KCNAB1: variants seen among roughly 807,000 people sequenced by gnomAD.
The protein encoded by KCNAB1 is voltage-gated potassium channel subunit beta-1.
A neutral mutation model predicts 64.6 loss-of-function variants in KCNAB1; 35 were observed. That is an observed-to-expected ratio of 0.54 (90% CI 0.41 to 0.72). The LOEUF (loss-of-function observed/expected upper bound fraction) is 0.72, where lower values mean the gene tolerates loss of function less well. KCNAB1 is among the 30% of genes least tolerant of loss of function. KCNAB1 has a pLI of 0.00. For synonymous variants in KCNAB1, 177 were observed against 183.8 expected, an observed-to-expected ratio of 0.96 and a Z score of 0.30; for missense variants, 401 against 512.9, an observed-to-expected ratio of 0.78 and a Z score of 2.11.
At chr3:156,225,611 G>T (rs1047610432) in intron 1 of KCNAB1, among the ~76,000 whole-genome samples, 3 of 152,110 alleles carry the variant, frequency 2.0e-5, no homozygotes, top group African/African-American at 7.2e-5. Flanking sequence ...CATCCAAATT[G>T]GTAAAGAGGA....
chr3:156,299,501 T>C (rs1351051638), intron 1 of KCNAB1, among the ~76,000 whole-genome samples: 1 of 149,732 alleles, frequency 6.7e-6, no homozygotes, highest in African/African-American at 2.5e-5. Flanking sequence ...TACAAAACCA[T>C]AGGCATATAT....
chr3:156,470,544 A>G (rs1324175553), intron 7 of KCNAB1, among the ~76,000 whole-genome samples: 1 of 152,208 alleles, frequency 6.6e-6, no homozygotes, highest in East Asian at 1.9e-4. Context: ...TTTAGTGCCT[A>G]ATGTGAAGGA....
chr3:156,473,668 G>A (rs1295146454), intron 7 of KCNAB1, among the ~76,000 whole-genome samples: 1 of 152,114 alleles, frequency 6.6e-6, no homozygotes, highest in Non-Finnish European at 1.5e-5. Context: ...CCATTTTCCT[G>A]TCAGAAAAGT....
intron 1 of KCNAB1, among the ~76,000 whole-genome samples, chr3:156,310,417 G>A (rs778684666): frequency 6.6e-6 from 1 of 152,100 alleles, no homozygotes; most frequent in South Asian, 2.1e-4. Context: ...GGTCCTGCAG[G>A]CCCTGAACAC....
chr3:156,168,202 C>T (rs1027978447), intron 1 of KCNAB1, among the ~76,000 whole-genome samples: 1 of 151,956 alleles, frequency 6.6e-6, no homozygotes, highest in Non-Finnish European at 1.5e-5. Context: ...GATTCTGTCC[C>T]ACCCCCAACC....
chr3:156,510,574 A>T (rs1717139960), intron 8 of KCNAB1, among the ~76,000 whole-genome samples: 1 of 152,014 alleles, frequency 6.6e-6, no homozygotes, highest in South Asian at 2.1e-4. Flanking sequence ...TTCTCTTCCA[A>T]ACTTATTGAA....
Position 156,537,389 on chromosome 3 carries a change from G to C in KCNAB1, c.*642G>C, listed in dbSNP as rs2108436763. On this transcript the variant is annotated 3_prime_UTR_variant, in exon 14 of 14. Coordinates refer to ENST00000490337, the MANE Select transcript of KCNAB1 (RefSeq NM_172160.3). ...ATAAAACAAAAATTTCTAGGTATTT[G>C]CTTTATTACCTTTCAAATATTTACT... The C allele has an allele frequency of 4.7e-6, 1 of 213,196 alleles. No homozygotes were observed. Among genetic ancestry groups the C allele is most frequent in the East Asian group, 9.6e-5 (1 of 10,460 alleles). 13.2% of individuals were successfully genotyped at this position (213,196 alleles called of 1,614,324 possible).
intron 1 of KCNAB1, among the ~76,000 whole-genome samples, chr3:156,182,522 G>A (rs1454884608): frequency 3.3e-5 from 5 of 151,768 alleles, no homozygotes; most frequent in Non-Finnish European, 7.4e-5. Flanking sequence ...TTCCTCAGGT[G>A]GACACTTCTT....
At chr3:156,235,160 G>A (rs1007124297) in intron 1 of KCNAB1, among the ~76,000 whole-genome samples, 1 of 152,152 alleles carries the variant, frequency 6.6e-6, no homozygotes, top group African/African-American at 2.4e-5. Context: ...TGCTGAATTC[G>A]TACACATCAG....
intron 1 of KCNAB1, among the ~76,000 whole-genome samples, chr3:156,171,821 A>G (rs778702892): frequency 6.6e-6 from 1 of 152,228 alleles, no homozygotes; most frequent in Non-Finnish European, 1.5e-5. Context: ...AATCAGTGAC[A>G]AAAATGCCTA....
intron 1 of KCNAB1, among the ~76,000 whole-genome samples, chr3:156,420,118 G>A (rs1025542166): frequency 1.3e-5 from 2 of 152,232 alleles, no homozygotes; most frequent in Non-Finnish European, 2.9e-5. Flanking sequence ...TTAGCACCAT[G>A]TCTGGTTGGA....
At chr3:156,314,284 C>G (rs1722131573) in intron 1 of KCNAB1, among the ~76,000 whole-genome samples, 1 of 152,090 alleles carries the variant, frequency 6.6e-6, no homozygotes, top group African/African-American at 2.4e-5. Flanking sequence ...CAAAAATGTA[C>G]AGGGGTTGGG....
At chr3:156,459,722 A>T (rs981507033) in intron 4 of KCNAB1, 105 bp from the exon 5 acceptor site, 13 of 766,720 alleles carry the variant, frequency 1.7e-5, no homozygotes, top group Non-Finnish European at 2.6e-5. Context: ...TTTTCGGGAT[A>T]TGTAGGCACT....
intron 1 of KCNAB1, among the ~76,000 whole-genome samples, chr3:156,327,590 A>G (rs1723050350): frequency 6.6e-6 from 1 of 152,196 alleles, no homozygotes; most frequent in South Asian, 2.1e-4. Context: ...ATAAGTAAGT[A>G]ACTCATGGCC....
At chr3:156,470,054 G>A (rs1713764269) in intron 7 of KCNAB1, among the ~76,000 whole-genome samples, 2 of 152,194 alleles carry the variant, frequency 1.3e-5, no homozygotes, top group African/African-American at 4.8e-5. Context: ...TGTGCTGGGT[G>A]ACCTTAGCCA....
intron 2 of KCNAB1, among the ~76,000 whole-genome samples, chr3:156,423,986 G>T (rs976016349): frequency 2.4e-4 from 37 of 152,288 alleles, no homozygotes; most frequent in African/African-American, 8.9e-4. Context: ...TTTGAAATTG[G>T]GGTTACAGAG....
intron 1 of KCNAB1, among the ~76,000 whole-genome samples, chr3:156,366,754 G>A (rs550865415): frequency 6.6e-6 from 1 of 152,296 alleles, no homozygotes; most frequent in African/African-American, 2.4e-5. Flanking sequence ...CAGTTCATAG[G>A]GGAATCCAGT....
At chr3:156,430,863 T>C (rs554858672) in intron 2 of KCNAB1, among the ~76,000 whole-genome samples, 4 of 152,256 alleles carry the variant, frequency 2.6e-5, no homozygotes, top group African/African-American at 9.6e-5. Context: ...GGTGATGTCA[T>C]GATTAGGTTC....
intron 1 of KCNAB1, among the ~76,000 whole-genome samples, chr3:156,162,793 T>G (rs1716160077): frequency 6.6e-6 from 1 of 152,162 alleles, no homozygotes; most frequent in African/African-American, 2.4e-5. Context: ...TGGCTCCAAA[T>G]GCATGAAAAC....
Sources: gnomAD v4.1 joint callset for allele counts (sites outside exome capture counted in the v4.1 genomes callset) on GRCh38, gnomAD v4.1.1 for gene constraint, MANE v1.5 for transcripts, NCBI Gene and HGNC (gene_info 2026-07-23, HGNC 2026-07-21) for gene names.